The following KDM2A variants were observed in gnomAD, a reference collection of about 807,000 sequenced individuals.
The protein encoded by KDM2A is lysine-specific demethylase 2A.
Under a neutral mutation model 137.3 loss-of-function variants are expected in KDM2A, and 3 were observed. The ratio of observed to expected loss-of-function variants is 0.02; its 90% CI spans 0.01 to 0.06. The LOEUF is 0.06. KDM2A is among the 10% of genes least tolerant of loss of function. KDM2A has a pLI of 1.00. For missense variants in KDM2A, 738 were observed against 1,510.6 expected (o/e 0.49, Z 8.48); for synonymous variants, 512 against 541.5 (o/e 0.95, Z 0.76).
At chr11:67,145,313 C>T (rs544792102) in intron 2 of KDM2A, among the ~76,000 whole-genome samples, 79 of 151,550 alleles carry the variant, frequency 5.2e-4, no homozygotes, top group African/African-American at 1.8e-3. Flanking sequence ...GGTGAAACCC[C>T]GTCTACAAAA....
At chr11:67,170,420 T>G (rs1203269798) in intron 2 of KDM2A, among the ~76,000 whole-genome samples, 4 of 140,414 alleles carry the variant, frequency 2.8e-5, no homozygotes, top group African/African-American at 8.0e-5. Context: ...TTTTTTTTTT[T>G]TTTTTTTTTT....
intron 8 of KDM2A, among the ~76,000 whole-genome samples, chr11:67,217,024 A>G (rs1344245113): frequency 1.3e-5 from 2 of 152,102 alleles, no homozygotes; most frequent in Admixed American, 6.6e-5. Flanking sequence ...TGGGTGGATC[A>G]TAAGGTCAGG....
chr11:67,207,895 A>G (rs1857858405), intron 6 of KDM2A, among the ~76,000 whole-genome samples: 1 of 152,018 alleles, frequency 6.6e-6, no homozygotes, highest in Non-Finnish European at 1.5e-5. Flanking sequence ...GCTGGGTGTG[A>G]TGGCACATGT....
Position 67,254,448 on chromosome 11 carries a change from G to A in KDM2A, c.3307+30G>A, listed in dbSNP as rs764508258. Reference sequence around the variant, plus strand: ...GCCGCTACAGTTGTTCATAATCAGCGGTGCCCCCTGCCTCCAGCCCTCCCT... The same window carrying A: ...GCCGCTACAGTTGTTCATAATCAGCAGTGCCCCCTGCCTCCAGCCCTCCCT... On this transcript the variant is annotated intron_variant, in intron 20 of 20. Transcript: ENST00000529006. This position sits in a 1 kb window ranked among gnomAD's most constrained non-coding sequence, Gnocchi z 4.7. 1.5e-5 allele frequency: 24 copies of A among 1,589,468 alleles called. No individual in the cohort carries two copies. The highest frequency in any genetic ancestry group is 8.9e-5 in the East Asian group (4 of 44,756).
intron 2 of KDM2A, among the ~76,000 whole-genome samples, chr11:67,176,904 A>G (rs142028370): frequency 7.1e-4 from 108 of 152,298 alleles, no homozygotes; most frequent in African/African-American, 2.4e-3. Flanking sequence ...AGGGCCTAAG[A>G]CACTTTTGTA....
chr11:67,210,965 A>G (rs1857959684), intron 6 of KDM2A, among the ~76,000 whole-genome samples: 1 of 152,166 alleles, frequency 6.6e-6, no homozygotes, highest in Non-Finnish European at 1.5e-5. Flanking sequence ...GCTGAGGTAC[A>G]AGAATCACTT....
intron 16 of KDM2A, among the ~76,000 whole-genome samples, chr11:67,249,884 C>T (rs546163068): frequency 6.6e-6 from 1 of 152,232 alleles, no homozygotes; most frequent in Admixed American, 6.5e-5. Flanking sequence ...ATAATTCCAG[C>T]ACTTTGGGAG....
At chr11:67,229,101 G>A (rs1314717125) in intron 11 of KDM2A, among the ~76,000 whole-genome samples, 1 of 152,150 alleles carries the variant, frequency 6.6e-6, no homozygotes, top group South Asian at 2.1e-4. Context: ...AGAATAACCT[G>A]TTGTATTCTA....
In KDM2A at chr11:67,215,458, G is replaced by A. The variant is rs774036260; in HGVS notation, c.593+12G>A. 1.2e-5 allele frequency: 18 copies of A among 1,540,608 alleles called. No homozygotes were observed. The highest frequency in any genetic ancestry group is 8.4e-5 in the Admixed American group (5 of 59,492). On this transcript the variant is annotated intron_variant, in intron 7 of 20. Transcript: ENST00000529006. ...CCTAAAGTGCAGAAGTAAGTGATGC[G>A]CCCTGCATCTTCCTCCGTGTGCTGT...
chr11:67,177,436 G>A (rs911490953), intron 2 of KDM2A, among the ~76,000 whole-genome samples: 3 of 151,834 alleles, frequency 2.0e-5, no homozygotes, highest in Non-Finnish European at 4.4e-5. Context: ...TATTCTATAA[G>A]CTTTTGTCTA....
intron 5 of KDM2A, among the ~76,000 whole-genome samples, chr11:67,184,831 AAAAAACAAAAC>A (rs1470996558): frequency 1.3e-5 from 2 of 152,188 alleles, no homozygotes; most frequent in Non-Finnish European, 2.9e-5. Flanking sequence ...GATAGCCTAT[AAAAAACAAAAC>A]AAAAACAAAA....
At chr11:67,196,224 A>C (rs533192521) in intron 5 of KDM2A, 23 of 455,990 alleles carry the variant, frequency 5.0e-5, no homozygotes, top group South Asian at 1.7e-4. Context: ...AGGGGCTTGC[A>C]GCCCATGAGC....
chr11:67,144,263 T>C (rs983641645), intron 2 of KDM2A, among the ~76,000 whole-genome samples: 100 of 150,774 alleles, frequency 6.6e-4, no homozygotes, highest in Non-Finnish European at 1.1e-3. Flanking sequence ...TTTTTTTTTT[T>C]TTTTTCAAGA....
intron 2 of KDM2A, among the ~76,000 whole-genome samples, chr11:67,121,594 A>G (rs538762372): frequency 6.6e-6 from 1 of 152,326 alleles, no homozygotes; most frequent in South Asian, 2.1e-4. Flanking sequence ...TAGCTTTTAT[A>G]GAAACCATTG....
chr11:67,158,795 T>C (rs1291938622), intron 2 of KDM2A, among the ~76,000 whole-genome samples: 1 of 152,228 alleles, frequency 6.6e-6, no homozygotes, highest in Non-Finnish European at 1.5e-5. Flanking sequence ...AGCCTGAGCA[T>C]CTTTTCATAT....
chr11:67,139,132 C>T (rs184985419), intron 2 of KDM2A, among the ~76,000 whole-genome samples: 2 of 152,114 alleles, frequency 1.3e-5, no homozygotes, highest in African/African-American at 4.8e-5. Flanking sequence ...TCAGTGAGTA[C>T]AGAAGGGGCC....
intron 2 of KDM2A, among the ~76,000 whole-genome samples, chr11:67,171,293 G>A (rs1565387838): frequency 1.3e-5 from 2 of 152,186 alleles, no homozygotes; most frequent in Non-Finnish European, 2.9e-5. Flanking sequence ...GGACAGACGA[G>A]GCCGAGTCTG....
Position 67,245,092 on chromosome 11 carries a change from G to A in KDM2A, c.1564-97G>A. ...CAGTGGGCAGATCTGGCCATAGTGG[G>A]CCAAGCCCCAGGCTAGGTATGCTAC... On this transcript the variant is annotated intron_variant, in intron 13 of 20. Coordinates refer to ENST00000529006, the MANE Select transcript of KDM2A (RefSeq NM_012308.3). This position sits in a 1 kb window ranked among gnomAD's most constrained non-coding sequence, Gnocchi z 4.1. The A allele has an allele frequency of 7.1e-7, 1 of 1,412,464 alleles. No individual in the cohort carries two copies. The allele number at this position is 1,412,464 out of a possible 1,614,324, so 87.5% of individuals were successfully genotyped here.
chr11:67,180,716 G>C (rs896442656), intron 3 of KDM2A, among the ~76,000 whole-genome samples: 1 of 151,730 alleles, frequency 6.6e-6, no homozygotes, highest in South Asian at 2.1e-4. Flanking sequence ...GCAGTGGTGC[G>C]ATCTCGGCTC....
Sources: gnomAD v4.1 joint callset for allele counts (sites outside exome capture counted in the v4.1 genomes callset) on GRCh38, gnomAD v4.1.1 for gene constraint, Gnocchi (gnomAD v3.1) non-coding constraint, MANE v1.5 for transcripts, NCBI Gene and HGNC (gene_info 2026-07-23, HGNC 2026-07-21) for gene names.